The following LRRTM4 variants were observed in gnomAD, a reference collection of about 807,000 sequenced individuals.
LRRTM4 encodes leucine-rich repeat transmembrane neuronal protein 4.
In LRRTM4, 25 loss-of-function variants were observed where a neutral mutation model predicts 47.6. That is an observed-to-expected ratio of 0.53 (90% CI 0.38 to 0.73). The LOEUF (loss-of-function observed/expected upper bound fraction) is 0.73. Among genes scored for constraint, LRRTM4 ranks in the 30% least tolerant of loss-of-function variants. The probability of loss-of-function intolerance (pLI) is 0.00; values close to 1 mark genes in which losing one functional copy is unlikely to be tolerated. For synonymous variants in LRRTM4, 311 were observed against 269.5 expected (o/e 1.15, Z -1.51); for missense variants, 638 against 713.4 (o/e 0.89, Z 1.20).
intron 3 of LRRTM4, among the ~76,000 whole-genome samples, chr2:77,501,697 C>T (rs1241699384): frequency 6.6e-6 from 1 of 151,014 alleles, no homozygotes; most frequent in Middle Eastern, 3.2e-3. Context: ...TAATTAAAAG[C>T]TGAACGGCAA....
At chr2:77,020,610 G>GGTA in intron 3 of LRRTM4, among the ~76,000 whole-genome samples, 1 of 151,650 alleles carries the variant, frequency 6.6e-6, no homozygotes, top group Middle Eastern at 3.4e-3. Context: ...ATGTTTTTAA[G>GGTA]GTAGTAACAT....
chr2:76,768,903 G>T, intron 3 of LRRTM4, among the ~76,000 whole-genome samples: 1 of 152,028 alleles, frequency 6.6e-6, no homozygotes, highest in East Asian at 1.9e-4. Context: ...AGAATGTGCT[G>T]GGGACATGCT....
At chr2:77,021,211 G>A (rs1041103876) in intron 3 of LRRTM4, among the ~76,000 whole-genome samples, 1 of 149,516 alleles carries the variant, frequency 6.7e-6, no homozygotes, top group Non-Finnish European at 1.5e-5. Context: ...TATCAGTGAT[G>A]TATATATCAG....
chr2:76,999,228 G>C (rs1459464920), intron 3 of LRRTM4, among the ~76,000 whole-genome samples: 1 of 152,082 alleles, frequency 6.6e-6, no homozygotes, highest in Non-Finnish European at 1.5e-5. Flanking sequence ...GGAAGCTACT[G>C]TATGGCAGCT....
intron 3 of LRRTM4, among the ~76,000 whole-genome samples, chr2:77,266,384 G>A (rs1398450235): frequency 6.6e-6 from 1 of 152,076 alleles, no homozygotes; most frequent in Non-Finnish European, 1.5e-5. Context: ...TGGAAAAAAT[G>A]CATGAGATCA....
At chr2:77,397,552 A>C (rs1338605668) in intron 3 of LRRTM4, among the ~76,000 whole-genome samples, 1 of 151,890 alleles carries the variant, frequency 6.6e-6, no homozygotes, top group Non-Finnish European at 1.5e-5. Context: ...CATAGACTAC[A>C]AAAGAGGCAC....
chr2:77,090,524 A>C (rs867982131), intron 3 of LRRTM4, among the ~76,000 whole-genome samples: 5 of 151,828 alleles, frequency 3.3e-5, no homozygotes, highest in Admixed American at 6.6e-5. Flanking sequence ...TAATAGAAAA[A>C]AGTTACAATT....
intron 3 of LRRTM4, among the ~76,000 whole-genome samples, chr2:77,049,373 A>G (rs775409526): frequency 2.6e-5 from 4 of 151,606 alleles, no homozygotes; most frequent in Non-Finnish European, 5.9e-5. Flanking sequence ...AGGAACCTCC[A>G]TACTGCTTTC....
At chr2:77,438,266 G>A (rs918333787) in intron 3 of LRRTM4, among the ~76,000 whole-genome samples, 29 of 151,896 alleles carry the variant, frequency 1.9e-4, no homozygotes, top group African/African-American at 6.3e-4. Context: ...TAATAGAGTA[G>A]TAACATGGAT....
At chr2:77,014,620 T>A (rs1224976254) in intron 3 of LRRTM4, among the ~76,000 whole-genome samples, 4 of 151,816 alleles carry the variant, frequency 2.6e-5, no homozygotes, top group Non-Finnish European at 5.9e-5. Flanking sequence ...GAGACCAGCC[T>A]GGCCAACATG....
chr2:77,275,527 T>C (rs1676320979), intron 3 of LRRTM4, among the ~76,000 whole-genome samples: 2 of 152,082 alleles, frequency 1.3e-5, no homozygotes, highest in African/African-American at 4.8e-5. Context: ...GTCCCCAAAA[T>C]AAAATTACGA....
At chr2:77,292,181 A>C (rs1355185909) in intron 3 of LRRTM4, among the ~76,000 whole-genome samples, 26 of 150,448 alleles carry the variant, frequency 1.7e-4, no homozygotes, top group African/African-American at 3.2e-4. Context: ...GGCAATCATT[A>C]AAAAGTCAGG....
intron 3 of LRRTM4, among the ~76,000 whole-genome samples, chr2:77,051,028 T>TA (rs369292203): frequency 2.6e-5 from 4 of 151,322 alleles, no homozygotes; most frequent in East Asian, 1.9e-4. Flanking sequence ...TTTTTTTTTT[T>TA]AAAATAGATA....
At chr2:77,348,051 A>G (rs1671633453) in intron 3 of LRRTM4, among the ~76,000 whole-genome samples, 1 of 149,202 alleles carries the variant, frequency 6.7e-6, no homozygotes. Flanking sequence ...ACACACACAT[A>G]TTTACTTATA....
rs556667485 is a variant in LRRTM4 at position 77,207,299 on chromosome 2, C to T, written c.1551+311019G>A. Among the ~76,000 whole-genome samples the T allele has an allele frequency of 7.0e-4, 93 of 132,348 alleles. 2 individuals are homozygous for T. The South Asian group carries it at 0.014, about 20-fold the overall frequency. 86.8% of individuals were successfully genotyped at this position (132,348 alleles called of 152,430 possible). On this transcript the variant is annotated intron_variant, in intron 3 of 3. Transcript: ENST00000409884. ...ATGTATATGTGTGTGTATATATATA[C>T]GTATATATACACATGTATGTGTTTA...
At chr2:76,973,413 G>T (rs1676289972) in intron 3 of LRRTM4, among the ~76,000 whole-genome samples, 1 of 151,904 alleles carries the variant, frequency 6.6e-6, no homozygotes, top group South Asian at 2.1e-4. Flanking sequence ...AGAAATGTCA[G>T]CTATCTGCTG....
Position 77,100,268 on chromosome 2 carries a change from C to G in LRRTM4, c.1552-351352G>C, listed in dbSNP as rs535632991. Among the ~76,000 whole-genome samples the G allele has an allele frequency of 3.3e-5, 5 of 152,276 alleles. No individual in the cohort carries two copies. The South Asian group carries it at 1.0e-3, about 32-fold the overall frequency. Reference sequence around the variant, plus strand: ...TCATTAAACACTTCATCAGATAACACTCATAATACCTTGACATACTTCTCC... The same window carrying G: ...TCATTAAACACTTCATCAGATAACAGTCATAATACCTTGACATACTTCTCC... On this transcript the variant is annotated intron_variant, in intron 3 of 3. Transcript: ENST00000409884.
chr2:76,800,792 A>T (rs1252545816), intron 3 of LRRTM4, among the ~76,000 whole-genome samples: 1 of 146,150 alleles, frequency 6.8e-6, no homozygotes, highest in Non-Finnish European at 1.5e-5. Flanking sequence ...AAGTGGGCGA[A>T]GGACATGAAC....
chr2:76,999,523 A>T (rs1203789637), intron 3 of LRRTM4, among the ~76,000 whole-genome samples: 1 of 152,118 alleles, frequency 6.6e-6, no homozygotes, highest in Non-Finnish European at 1.5e-5. Context: ...TCAATTTTTA[A>T]AAATCAACAT....
Sources: gnomAD v4.1 joint callset for allele counts (sites outside exome capture counted in the v4.1 genomes callset) on GRCh38, gnomAD v4.1.1 for gene constraint, MANE v1.5 for transcripts, NCBI Gene and HGNC (gene_info 2026-07-23, HGNC 2026-07-21) for gene names.